ITGBL1: variants seen among roughly 807,000 people sequenced by gnomAD.
ITGBL1 encodes integrin subunit beta like 1.
A neutral mutation model predicts 68.5 loss-of-function variants in ITGBL1; 51 were observed. The ratio of observed to expected loss-of-function variants is 0.74; its 90% CI spans 0.59 to 0.94. The LOEUF (loss-of-function observed/expected upper bound fraction) is 0.94, where lower values mean the gene tolerates loss of function less well. ITGBL1 is among the 40% of genes least tolerant of loss of function. ITGBL1 has a pLI of 0.00. For missense variants in ITGBL1, 649 were observed against 647.4 expected, an observed-to-expected ratio of 1.00 and a Z score of -0.03; for synonymous variants, 209 against 227.3, an observed-to-expected ratio of 0.92 and a Z score of 0.72.
chr13:101,662,758 C>CAAAA (rs1194891391), intron 7 of ITGBL1, among the ~76,000 whole-genome samples: 1 of 151,760 alleles, frequency 6.6e-6, no homozygotes, highest in South Asian at 2.1e-4. Flanking sequence ...TAAGTTTGTC[C>CAAAA]CTGAAAGTTT....
At chr13:101,546,444 T>C (rs2049825475) in intron 2 of ITGBL1, among the ~76,000 whole-genome samples, 1 of 151,184 alleles carries the variant, frequency 6.6e-6, no homozygotes, top group Non-Finnish European at 1.5e-5. Flanking sequence ...GGGTCCAAAA[T>C]CGAAGTAAGA....
Position 101,598,304 on chromosome 13 carries a change from G to T in ITGBL1, c.1015+5G>T. 6.3e-7 allele frequency: 1 copy of T among 1,597,878 alleles called. No individual in the cohort carries two copies. The highest frequency in any genetic ancestry group is 8.5e-7 in the Non-Finnish European group (1 of 1,172,794). ...ATCTGCCTTGCTCTGGGAGGGGTAA[G>T]TGAGGTCTCTCAGGGCTTCCCACGG... On this transcript the variant is annotated splice_donor_5th_base_variant and intron_variant, in intron 7 of 10. Coordinates refer to ENST00000376180, the MANE Select transcript of ITGBL1 (RefSeq NM_004791.3).
chr13:101,709,815 A>T (rs1022310634), intron 9 of ITGBL1, among the ~76,000 whole-genome samples: 4 of 152,240 alleles, frequency 2.6e-5, no homozygotes, highest in African/African-American at 9.6e-5. Context: ...AACTGCGAGT[A>T]CAGGAAGAAC....
chr13:101,589,508 C>G (rs1475341314), intron 6 of ITGBL1, among the ~76,000 whole-genome samples: 1 of 152,112 alleles, frequency 6.6e-6, no homozygotes, highest in African/African-American at 2.4e-5. Context: ...TGAACTTGTT[C>G]AATTAATATC....
intron 4 of ITGBL1, among the ~76,000 whole-genome samples, chr13:101,578,825 T>C (rs2050406065): frequency 1.3e-5 from 2 of 152,256 alleles, no homozygotes; most frequent in South Asian, 4.1e-4. Context: ...ATGAAATATT[T>C]ATTCTGCTTT....
At chr13:101,629,619 T>G (rs1009457537) in intron 7 of ITGBL1, among the ~76,000 whole-genome samples, 7 of 152,164 alleles carry the variant, frequency 4.6e-5, no homozygotes, top group Non-Finnish European at 1.0e-4. Flanking sequence ...AAATTATTAG[T>G]ATAAACTTTG....
chr13:101,556,889 T>C (rs1351796401), intron 2 of ITGBL1, among the ~76,000 whole-genome samples: 1 of 152,228 alleles, frequency 6.6e-6, no homozygotes, highest in African/African-American at 2.4e-5. Context: ...TTTTGTTGTC[T>C]GGAGTTACTC....
chr13:101,565,627 G>A (rs575723001), intron 2 of ITGBL1, among the ~76,000 whole-genome samples: 34 of 152,204 alleles, frequency 2.2e-4, no homozygotes, highest in South Asian at 4.1e-4. Context: ...AAGGGGCCTC[G>A]TAGCCAAAGT....
At chr13:101,615,628 C>T (rs1225213278) in intron 7 of ITGBL1, among the ~76,000 whole-genome samples, 2 of 151,876 alleles carry the variant, frequency 1.3e-5, no homozygotes, top group African/African-American at 2.4e-5. Flanking sequence ...GAATGGTGCT[C>T]TTACAAAAGA....
chr13:101,620,270 T>C (rs2031532486), intron 7 of ITGBL1, among the ~76,000 whole-genome samples: 1 of 152,072 alleles, frequency 6.6e-6, no homozygotes, highest in Non-Finnish European at 1.5e-5. Context: ...GAATTCAAAA[T>C]CAAAAGTACA....
chr13:101,539,043 G>A (rs189755667), intron 2 of ITGBL1, among the ~76,000 whole-genome samples: 57 of 136,806 alleles, frequency 4.2e-4, no homozygotes, highest in African/African-American at 1.5e-3. Context: ...TTTATGCTGT[G>A]CTGCTTCTTT....
intron 7 of ITGBL1, among the ~76,000 whole-genome samples, chr13:101,657,164 A>G (rs1335343461): frequency 1.3e-5 from 2 of 152,172 alleles, no homozygotes; most frequent in East Asian, 3.8e-4. Flanking sequence ...ATTGTGTTTT[A>G]AGTTTGAATA....
At chr13:101,553,045 A>G (rs982030138) in intron 2 of ITGBL1, among the ~76,000 whole-genome samples, 7 of 152,146 alleles carry the variant, frequency 4.6e-5, no homozygotes, top group African/African-American at 1.4e-4. Flanking sequence ...TTTTCAGACA[A>G]AGAAAGTGGT....
intron 7 of ITGBL1, among the ~76,000 whole-genome samples, chr13:101,608,778 A>G (rs2030991155): frequency 6.6e-6 from 1 of 152,102 alleles, no homozygotes; most frequent in African/African-American, 2.4e-5. Flanking sequence ...TCATGAACTG[A>G]GTTATGCCAT....
At chr13:101,461,630 G>A (rs2048319771) in intron 2 of ITGBL1, among the ~76,000 whole-genome samples, 1 of 152,134 alleles carries the variant, frequency 6.6e-6, no homozygotes, top group Admixed American at 6.5e-5. Flanking sequence ...GGGAGATTGA[G>A]GCTGCAGTGA....
intron 7 of ITGBL1, among the ~76,000 whole-genome samples, chr13:101,611,690 C>T (rs190608660): frequency 6.6e-6 from 1 of 151,690 alleles, no homozygotes; most frequent in Non-Finnish European, 1.5e-5. Context: ...ACTGAACTGG[C>T]AGCAGAACCC....
chr13:101,657,435 C>T (rs1471240774), intron 7 of ITGBL1, among the ~76,000 whole-genome samples: 1 of 152,138 alleles, frequency 6.6e-6, no homozygotes, highest in Non-Finnish European at 1.5e-5. Flanking sequence ...TTCCACTTGA[C>T]TCCTCAAGTG....
intron 2 of ITGBL1, among the ~76,000 whole-genome samples, chr13:101,498,865 G>A (rs908801588): frequency 5.9e-5 from 9 of 152,152 alleles, no homozygotes; most frequent in African/African-American, 2.2e-4. Flanking sequence ...AGTTCCATGT[G>A]GCTGGGGAGG....
rs74970535 is a variant in ITGBL1 at position 101,612,044 on chromosome 13, A to G, written c.1015+13745A>G. On this transcript the variant is annotated intron_variant, in intron 7 of 10. Transcript: ENST00000376180. ...GGCATTCTTTCCTTTGGAATATAAC[A>G]ATTTAAGATGGATGAGATTTTGGTT... Among the ~76,000 whole-genome samples, 56 of 152,292 alleles carry G rather than the reference A, an allele frequency of 3.7e-4. 2 individuals carry two copies. The East Asian group carries it at 6.6e-3, about 18-fold the overall frequency.
Sources: gnomAD v4.1 joint callset for allele counts (sites outside exome capture counted in the v4.1 genomes callset) on GRCh38, gnomAD v4.1.1 for gene constraint, MANE v1.5 for transcripts, NCBI Gene and HGNC (gene_info 2026-07-23, HGNC 2026-07-21) for gene names.